Variants in TGM3 observed in about 807,000 individuals in gnomAD.
TGM3 encodes transglutaminase 3.
In TGM3, 52 loss-of-function variants were observed where a neutral mutation model predicts 73.8. That is an observed-to-expected ratio of 0.70 (90% CI 0.56 to 0.89). TGM3 has a LOEUF of 0.89. Among genes scored for constraint, TGM3 ranks in the 40% least tolerant of loss-of-function variants. TGM3 has a pLI of 0.00. For missense variants in TGM3, 928 were observed against 909.9 expected (o/e 1.02, Z -0.26); for synonymous variants, 372 against 354.9 (o/e 1.05, Z -0.54).
intron 7 of TGM3, among the ~76,000 whole-genome samples, chr20:2,318,479 A>C (rs1568627578): frequency 6.6e-6 from 1 of 152,236 alleles, no homozygotes; most frequent in South Asian, 2.1e-4. Flanking sequence ...AGATAGATAG[A>C]TATTATATAG....
At position 2,332,435 on chromosome 20, in the gene TGM3, G is replaced by C; in HGVS notation, c.1642+125G>C. The C allele has an allele frequency of 1.1e-6, 1 of 931,886 alleles. No homozygotes were observed. The highest frequency in any genetic ancestry group is 2.7e-5 in the East Asian group (1 of 37,692). The allele number at this position is 931,886 out of a possible 1,614,324, so 57.7% of individuals were successfully genotyped here. ...GAATGGAGCAGCCAGCGGCCCCTGT[G>C]GTTAAGCCATGTATTAATGCTTTGG... On this transcript the variant is annotated intron_variant, in intron 10 of 12. Coordinates refer to ENST00000381458, the MANE Select transcript of TGM3 (RefSeq NM_003245.4). The surrounding 1 kb of genome is among the most constrained non-coding windows in gnomAD (Gnocchi z 4.4).
In TGM3 at chr20:2,298,603, C is replaced by A. The variant is rs577266844; in HGVS notation, c.7+2533C>A. Among the ~76,000 whole-genome samples, 73 of 152,318 alleles carry A rather than the reference C, an allele frequency of 4.8e-4. 1 individual carries two copies. Among genetic ancestry groups the A allele is most frequent in the Non-Finnish European group, 6.3e-4 (43 of 68,032 alleles). ...CCATCTCAAGGCCTCATTTCCTCCA[C>A]CCCCAAAGGACCTGTACCATTCCCA... On this transcript the variant is annotated intron_variant, in intron 1 of 12. Coordinates refer to ENST00000381458, the MANE Select transcript of TGM3 (RefSeq NM_003245.4).
rs1426344363 is a variant in TGM3 at position 2,332,981 on chromosome 20, G to A, written c.1642+671G>A. Among the ~76,000 whole-genome samples the A allele has an allele frequency of 6.6e-6, 1 of 152,178 alleles. No individual in the cohort carries two copies. Among genetic ancestry groups the A allele is most frequent in the Non-Finnish European group, 1.5e-5 (1 of 68,032 alleles). ...GTTTTCTTAGAAGTCTGAGCGTTTG[G>A]GAGGAACAGTGACTCCTTGCCCTTG... On this transcript the variant is annotated intron_variant, in intron 10 of 12. Coordinates refer to ENST00000381458, the MANE Select transcript of TGM3 (RefSeq NM_003245.4). This position sits in a 1 kb window ranked among gnomAD's most constrained non-coding sequence, Gnocchi z 4.4.
chr20:2,297,714 C>T (rs1310212563), intron 1 of TGM3, among the ~76,000 whole-genome samples: 2 of 152,116 alleles, frequency 1.3e-5, no homozygotes, highest in South Asian at 2.1e-4. Context: ...ACTTGCAGTT[C>T]CCAGCTCAGC....
chr20:2,319,387 T>A (rs1482358554), intron 7 of TGM3, among the ~76,000 whole-genome samples: 6 of 152,186 alleles, frequency 3.9e-5, no homozygotes, highest in Non-Finnish European at 8.8e-5. Context: ...TAGTAGAGGC[T>A]AATTAGCAAC....
intron 9 of TGM3, among the ~76,000 whole-genome samples, chr20:2,331,109 A>G (rs1390331536): frequency 1.3e-5 from 2 of 151,956 alleles, no homozygotes; most frequent in Non-Finnish European, 2.9e-5. Flanking sequence ...AGGTGGGAGA[A>G]TGTAAGTGTG....
At chr20:2,302,482 G>A (rs1165929660) in intron 1 of TGM3, among the ~76,000 whole-genome samples, 4 of 151,968 alleles carry the variant, frequency 2.6e-5, no homozygotes, top group African/African-American at 9.7e-5. Flanking sequence ...TTCCTTACAC[G>A]AAAGGCCTGG....
At chr20:2,314,262 G>C (rs886988174) in intron 5 of TGM3, among the ~76,000 whole-genome samples, 4 of 152,112 alleles carry the variant, frequency 2.6e-5, no homozygotes, top group African/African-American at 7.2e-5. Context: ...CTTGAACCCA[G>C]GAGCTTGAGG....
At position 2,310,388 on chromosome 20, in the gene TGM3, T is replaced by A. The variant is rs1428296515; in HGVS notation, c.392T>A (p.Phe131Tyr). ...ATCTCCTCTGTGAAACTTGGGACGT[T>A]CATACTGCTTTTTAACCCCTGGCTG... The part of the protein sequence containing the change: ...GGISSVKLGT[F>Y]ILLFNPWLNV... The change falls in exon 3 of 13, where the codon TTC (phenylalanine) becomes TAC (tyrosine). Residue 131 changes from phenylalanine to tyrosine, a missense_variant. Transcript: ENST00000381458. The A allele has an allele frequency of 6.2e-7, 1 of 1,614,090 alleles. No individual in the cohort carries two copies. Among genetic ancestry groups the A allele is most frequent in the Non-Finnish European group, 8.5e-7 (1 of 1,180,036 alleles).
At chr20:2,323,216 C>T (rs567934516) in intron 7 of TGM3, among the ~76,000 whole-genome samples, 2 of 152,308 alleles carry the variant, frequency 1.3e-5, no homozygotes, top group South Asian at 4.1e-4. Context: ...ACCCCCTTCC[C>T]ACCTTTTCTC....
Position 2,332,314 on chromosome 20 carries a change from A to T in TGM3, c.1642+4A>T, listed in dbSNP as rs1405361076. The T allele has an allele frequency of 1.9e-6, 3 of 1,577,604 alleles. No homozygotes were observed. The highest frequency in any genetic ancestry group is 2.6e-6 in the Non-Finnish European group (3 of 1,160,384). The stretch of plus-strand genomic sequence containing the variant: ...ATGTCCCTGGACCCTGAGGAAGGTA[A>T]CGCATCCCGCAGTTGGAGGAGATCC... On this transcript the variant is annotated splice_donor_region_variant and intron_variant, in intron 10 of 12. Transcript: ENST00000381458. The surrounding 1 kb of genome is among the most constrained non-coding windows in gnomAD (Gnocchi z 4.4).
At position 2,328,030 on chromosome 20, in the gene TGM3, G is replaced by A; in HGVS notation, c.1088-90G>A. On this transcript the variant is annotated intron_variant, in intron 8 of 12. Transcript: ENST00000381458. This position sits in a 1 kb window ranked among gnomAD's most constrained non-coding sequence, Gnocchi z 5.2. Reference sequence around the variant, plus strand: ...AATTTGGGCGGGGCAGAGGCAGGGGGTTGCAGTGGTCCTGGAAGGCCCTGG... The same window carrying A: ...AATTTGGGCGGGGCAGAGGCAGGGGATTGCAGTGGTCCTGGAAGGCCCTGG... 6.4e-7 allele frequency: 1 copy of A among 1,569,202 alleles called. No homozygotes were observed. The highest frequency in any genetic ancestry group is 1.2e-5 in the South Asian group (1 of 84,232).
At chr20:2,338,298 T>C (rs2084362456) in intron 11 of TGM3, among the ~76,000 whole-genome samples, 1 of 152,068 alleles carries the variant, frequency 6.6e-6, no homozygotes, top group African/African-American at 2.4e-5. Context: ...TATCCTTTCC[T>C]CTGGGTACAT....
At position 2,332,234 on chromosome 20, in the gene TGM3, G is replaced by A; in HGVS notation, c.1566G>A (p.Trp522Ter). 6.2e-7 allele frequency: 1 copy of A among 1,613,988 alleles called. No individual in the cohort carries two copies. Among genetic ancestry groups the A allele is most frequent in the Admixed American group, 1.7e-5 (1 of 59,996 alleles). Residue 522 changes from tryptophan (W) to a stop codon, truncating the protein, a stop_gained, in exon 10 of 13, where the codon TGG becomes TGA. Transcript: ENST00000381458. LOFTEE classifies it high-confidence loss of function. This position sits in a 1 kb window ranked among gnomAD's most constrained non-coding sequence, Gnocchi z 4.4. Reference sequence around the variant, plus strand: ...CAGTGACAGTGAACATGACAGCCTGGACCATCATCTACAACGGCACGCTTG... The same window carrying A: ...CAGTGACAGTGAACATGACAGCCTGAACCATCATCTACAACGGCACGCTTG... ...TKTVTVNMTA[W>*]TIIYNGTLVH...
chr20:2,335,268 C>A lies in TGM3; in HGVS notation c.1795C>A (p.Leu599Met). 2 of 1,614,040 alleles carry A rather than the reference C, an allele frequency of 1.2e-6. No homozygotes were observed. The highest frequency in any genetic ancestry group is 1.7e-6 in the Non-Finnish European group (2 of 1,179,998). The change falls in exon 11 of 13, where the codon CTG becomes ATG. Residue 599 changes from leucine to methionine, a missense_variant. Transcript: ENST00000381458. ...CATCCTGGACAACCCCACCTTGACCCTGGAGGTAATGGGGCTCCCCATCCT... is the reference window on the plus strand; with the variant it reads ...CATCCTGGACAACCCCACCTTGACCATGGAGGTAATGGGGCTCCCCATCCT... ...DIILDNPTLT[L>M]EVLNEARVRK... is the part of the protein sequence containing the mutation.
chr20:2,327,213 G>A (rs1401167621), intron 8 of TGM3, among the ~76,000 whole-genome samples: 1 of 152,140 alleles, frequency 6.6e-6, no homozygotes, highest in Non-Finnish European at 1.5e-5. Context: ...GCTCACGCCT[G>A]TAATCCCAGC....
intron 11 of TGM3, among the ~76,000 whole-genome samples, chr20:2,339,573 G>A (rs2122261944): frequency 6.6e-6 from 1 of 152,300 alleles, no homozygotes; most frequent in South Asian, 2.1e-4. Flanking sequence ...GTCGGGGCAG[G>A]GAAGTAACAG....
chr20:2,316,576 A>G (rs214813), intron 5 of TGM3, among the ~76,000 whole-genome samples: 99,311 of 150,980 alleles, frequency 0.66, 37,253 homozygotes, highest in East Asian at 0.96. Context: ...AATAATAATA[A>G]TAATAAATAA....
Position 2,335,252 on chromosome 20 carries a change from C to G in TGM3, c.1779C>G (p.Asp593Glu). Residue 593 changes from aspartate to glutamate, a missense_variant, in exon 11 of 13, where the codon GAC (aspartate) becomes GAG (glutamate). Coordinates refer to ENST00000381458, the MANE Select transcript of TGM3 (RefSeq NM_003245.4). ...EVVVERDIIL[D>E]NPTLTLEVLN... ...TGGTGGAGCGGGACATCATCCTGGA[C>G]AACCCCACCTTGACCCTGGAGGTAA... is the stretch of plus-strand genomic sequence containing the variant. The G allele has an allele frequency of 6.2e-7, 1 of 1,614,172 alleles. No homozygotes were observed. The highest frequency in any genetic ancestry group is 1.3e-5 in the African/African-American group (1 of 75,050).
Sources: gnomAD v4.1 joint callset for allele counts (sites outside exome capture counted in the v4.1 genomes callset) on GRCh38, gnomAD v4.1.1 for gene constraint, Gnocchi (gnomAD v3.1) non-coding constraint, MANE v1.5 for transcripts, NCBI Gene and HGNC (gene_info 2026-07-23, HGNC 2026-07-21) for gene names.